The following LINGO2 variants were observed in gnomAD, a reference collection of about 807,000 sequenced individuals.
LINGO2 encodes the protein leucine-rich repeat and immunoglobulin-like domain-containing nogo receptor-interacting protein 2.
A neutral mutation model predicts 30.6 loss-of-function variants in LINGO2; 14 were observed. That is an observed-to-expected ratio of 0.46 (90% CI 0.30 to 0.72). The LOEUF is 0.72. Among genes scored for constraint, LINGO2 ranks in the 30% least tolerant of loss-of-function variants. The pLI is 0.07. For missense variants in LINGO2, 729 were observed against 751.7 expected (o/e 0.97, Z 0.35); for synonymous variants, 317 against 288.5 (o/e 1.10, Z -1.00).
chr9:28,860,240 C>A, the LINGO2 span, among the ~76,000 whole-genome samples: 1 of 151,822 alleles, frequency 6.6e-6, no homozygotes, highest in Admixed American at 6.6e-5. Context: ...ACCATAGTGC[C>A]CAGATATTTG....
At chr9:28,879,019 A>T in the LINGO2 span, among the ~76,000 whole-genome samples, 4 of 152,188 alleles carry the variant, frequency 2.6e-5, no homozygotes, top group Non-Finnish European at 5.9e-5. Context: ...AATAAAGTGT[A>T]TTCAATTAGG....
intron 1 of LINGO2, among the ~76,000 whole-genome samples, chr9:28,553,507 C>A (rs193052906): frequency 6.6e-6 from 1 of 152,042 alleles, no homozygotes; most frequent in Admixed American, 6.6e-5. Flanking sequence ...GTGAAAAGAC[C>A]AAATCTACGT....
At chr9:28,877,185 C>T in the LINGO2 span, among the ~76,000 whole-genome samples, 1 of 148,182 alleles carries the variant, frequency 6.7e-6, no homozygotes, top group Non-Finnish European at 1.5e-5. Flanking sequence ...CAAAAATTTT[C>T]TCCCATTTTG....
chr9:27,996,666 A>G (rs1237136720), intron 5 of LINGO2, among the ~76,000 whole-genome samples: 2 of 152,188 alleles, frequency 1.3e-5, no homozygotes, highest in Non-Finnish European at 2.9e-5. Context: ...ACAGTTAGAT[A>G]GAATTAATAA....
chr9:29,002,005 T>G, the LINGO2 span, among the ~76,000 whole-genome samples: 2 of 152,064 alleles, frequency 1.3e-5, no homozygotes, highest in Admixed American at 6.6e-5. Flanking sequence ...TTCTATGGTT[T>G]GTCTTGGTAT....
chr9:28,155,895 T>G (rs1828118890), intron 4 of LINGO2, among the ~76,000 whole-genome samples: 1 of 152,158 alleles, frequency 6.6e-6, no homozygotes, highest in South Asian at 2.1e-4. Flanking sequence ...CCAGGAAATG[T>G]GCCTTCTCCA....
chr9:28,739,821 G>A, the LINGO2 span, among the ~76,000 whole-genome samples: 1 of 151,142 alleles, frequency 6.6e-6, no homozygotes, highest in African/African-American at 2.4e-5. Flanking sequence ...CAGAAATAGT[G>A]GGTTCCCCAA....
intron 5 of LINGO2, among the ~76,000 whole-genome samples, chr9:27,953,570 TC>T (rs1819420156): frequency 6.6e-6 from 1 of 152,148 alleles, no homozygotes; most frequent in South Asian, 2.1e-4. Context: ...ATGCTGCTGT[TC>T]TTGTGATAAT....
At chr9:28,665,988 T>C (rs952052101) in intron 1 of LINGO2, among the ~76,000 whole-genome samples, 2 of 149,710 alleles carry the variant, frequency 1.3e-5, no homozygotes, top group South Asian at 4.2e-4. Context: ...CGCCTCTGGG[T>C]TCAAGCGATT....
chr9:27,944,868 G>C (rs1380875891), downstream of LINGO2, among the ~76,000 whole-genome samples: 1 of 151,916 alleles, frequency 6.6e-6, no homozygotes, highest in African/African-American at 2.4e-5. Context: ...ATAGAAAAAA[G>C]GTATAAAAAG....
At chr9:28,626,200 T>A (rs192255054) in intron 1 of LINGO2, among the ~76,000 whole-genome samples, 12 of 152,272 alleles carry the variant, frequency 7.9e-5, no homozygotes, top group Non-Finnish European at 1.6e-4. Context: ...CATGTGCTTG[T>A]TAGCCATTAT....
chr9:28,378,969 T>G (rs1028518795), intron 2 of LINGO2, among the ~76,000 whole-genome samples: 1 of 152,034 alleles, frequency 6.6e-6, no homozygotes, highest in Admixed American at 6.6e-5. Flanking sequence ...CACAAAGTAC[T>G]TACAAAAAGT....
At chr9:29,101,627 T>A in the LINGO2 span, among the ~76,000 whole-genome samples, 1 of 152,146 alleles carries the variant, frequency 6.6e-6, no homozygotes, top group African/African-American at 2.4e-5. Flanking sequence ...TTCAACTGTT[T>A]TATTTTTACC....
chr9:28,091,285 G>A (rs537532250), intron 4 of LINGO2, among the ~76,000 whole-genome samples: 234 of 152,230 alleles, frequency 1.5e-3, no homozygotes, highest in Non-Finnish European at 2.5e-3. Flanking sequence ...GAACAAAGCT[G>A]GAGGCATCAT....
At chr9:29,153,572 A>G in the LINGO2 span, among the ~76,000 whole-genome samples, 1 of 152,224 alleles carries the variant, frequency 6.6e-6, no homozygotes, top group Admixed American at 6.5e-5. Context: ...CTAAAAATAG[A>G]TATTATATCT....
At chr9:28,589,681 G>A (rs1563846798) in intron 1 of LINGO2, among the ~76,000 whole-genome samples, 1 of 152,034 alleles carries the variant, frequency 6.6e-6, no homozygotes, top group Non-Finnish European at 1.5e-5. Flanking sequence ...AACATTCCAT[G>A]CTCATGGGTA....
At chr9:28,673,221 G>A (rs1171036308), upstream of LINGO2, among the ~76,000 whole-genome samples, 6 of 152,046 alleles carry the variant, frequency 3.9e-5, no homozygotes, top group African/African-American at 7.2e-5. Context: ...AAAGTAAATC[G>A]AAGTTTACAG....
chr9:27,981,550 AG>A lies in LINGO2; in HGVS notation c.-36+30804del, dbSNP rs143631365. 1.5e-3 allele frequency among the ~76,000 whole-genome samples: 175 copies of A among 117,618 alleles called. 7 individuals carry two copies. Among genetic ancestry groups the A allele is most frequent in the African/African-American group, 3.8e-3 (119 of 31,486 alleles). 77.2% of individuals were successfully genotyped at this position (117,618 alleles called of 152,430 possible). A position where few individuals can be genotyped will look rare whatever the true frequency, so the allele number is the denominator to read the frequency against. On this transcript the variant is annotated intron_variant, in intron 5 of 5. Transcript: ENST00000379992. ...CGAGGATGGCAAAAAAAAAAAAAAAAGAAAAAAAAGAAAAAAAAAGAAAAAA... is the reference window on the plus strand; with the variant it reads ...CGAGGATGGCAAAAAAAAAAAAAAAAAAAAAAAAGAAAAAAAAAGAAAAAA...
intron 4 of LINGO2, among the ~76,000 whole-genome samples, chr9:28,046,986 C>G (rs1322677674): frequency 6.6e-6 from 1 of 152,100 alleles, no homozygotes; most frequent in East Asian, 1.9e-4. Flanking sequence ...ATCCTGGCTG[C>G]AAGATAAATG....
Sources: gnomAD v4.1 joint callset for allele counts (sites outside exome capture counted in the v4.1 genomes callset) on GRCh38, gnomAD v4.1.1 for gene constraint, MANE v1.5 for transcripts, NCBI Gene and HGNC (gene_info 2026-07-23, HGNC 2026-07-21) for gene names.